PTPRN2: variants seen among roughly 807,000 people sequenced by gnomAD.
PTPRN2 encodes receptor-type tyrosine-protein phosphatase N2.
In PTPRN2, 74 loss-of-function variants were observed where a neutral mutation model predicts 118.8. The observed-to-expected ratio is 0.62, with a 90% CI of 0.52 to 0.76. The LOEUF is 0.76. PTPRN2 is among the 30% of genes least tolerant of loss of function. The probability of loss-of-function intolerance (pLI) is 0.00; values close to 1 mark genes in which losing one functional copy is unlikely to be tolerated. For missense variants in PTPRN2, 1,481 were observed against 1,394.4 expected, an observed-to-expected ratio of 1.06 and a Z score of -0.99; for synonymous variants, 641 against 608.0, an observed-to-expected ratio of 1.05 and a Z score of -0.80.
intron 15 of PTPRN2, among the ~76,000 whole-genome samples, chr7:157,606,948 T>C (rs992208076): frequency 5.9e-5 from 9 of 152,122 alleles, no homozygotes; most frequent in African/African-American, 2.2e-4. Context: ...GGTGACAAGA[T>C]GGGATAAGAT....
At position 157,617,309 on chromosome 7, in the gene PTPRN2, C is replaced by T. The variant is rs1205723033; in HGVS notation, c.2344+4053G>A. ...GTTCACGCAGCTGCAGCGCAGAGCA[C>T]GGGGGACGCTGGCTCACGATGCCCC... is the stretch of plus-strand genomic sequence containing the variant. On this transcript the variant is annotated intron_variant, in intron 15 of 22. Coordinates refer to ENST00000389418, the MANE Select transcript of PTPRN2 (RefSeq NM_002847.5). This position sits in a 1 kb window ranked among gnomAD's most constrained non-coding sequence, Gnocchi z 7.5. 2 of 143,164 alleles carry T rather than the reference C, an allele frequency of 1.4e-5. No homozygotes were observed. Among genetic ancestry groups the T allele is most frequent in the Admixed American group, 7.0e-5 (1 of 14,256 alleles). 8.9% of individuals were successfully genotyped at this position (143,164 alleles called of 1,614,324 possible).
intron 2 of PTPRN2, among the ~76,000 whole-genome samples, chr7:158,337,384 A>G (rs1284665513): frequency 1.8e-4 from 19 of 103,792 alleles, no homozygotes; most frequent in South Asian, 6.7e-4. Context: ...CTCTCACCAT[A>G]AGAGGTAACA....
intron 11 of PTPRN2, among the ~76,000 whole-genome samples, chr7:157,940,046 A>C (rs937934656): frequency 6.6e-6 from 1 of 152,188 alleles, no homozygotes; most frequent in Non-Finnish European, 1.5e-5. Flanking sequence ...GCGTCGCTGC[A>C]TGGGCAGTTG....
rs192175495 is a variant in PTPRN2, at chr7:158,279,982, C to T, written c.277+36837G>A. Among the ~76,000 whole-genome samples the T allele has an allele frequency of 4.0e-3, 607 of 152,180 alleles. 2 individuals are homozygous for T. The highest frequency in any genetic ancestry group is 7.0e-3 in the African/African-American group (290 of 41,518). On this transcript the variant is annotated intron_variant, in intron 3 of 22. Transcript: ENST00000389418. ...GGTCTGTGCACTTAATCCAGAGCCC[C>T]GGACGGCCCCCACGCCCCACCGCTG...
At chr7:157,887,542 CTCCCCCAGTACCTGCTCCCAGTACATGG>C (rs1483895569) in intron 12 of PTPRN2, among the ~76,000 whole-genome samples, 12 of 119,152 alleles carry the variant, frequency 1.0e-4, no homozygotes, top group South Asian at 3.4e-4. Flanking sequence ...CCAGTACCCG[CTCCCCCAGTACCTGCTCCCAGTACATGG>C]TCCCCCAGTG....
chr7:157,998,459 C>A (rs770576036), intron 11 of PTPRN2, among the ~76,000 whole-genome samples: 4 of 152,146 alleles, frequency 2.6e-5, no homozygotes, highest in Non-Finnish European at 4.4e-5. Flanking sequence ...GAGAGGAGCC[C>A]GTGTCCAGCC....
In PTPRN2 at chr7:158,319,476, G is replaced by GCCTCCCTCACA. The variant is rs1563131407; in HGVS notation, c.164-2545_164-2544insTGTGAGGGAGG. ...CGCACACAGCCTCCCTCACACACAAGCACAGCCTCCCTCACACTCACACAG... is the reference window on the plus strand; with the variant it reads ...CGCACACAGCCTCCCTCACACACAAGCCTCCCTCACACACAGCCTCCCTCACACTCACACAG... On this transcript the variant is annotated intron_variant, in intron 2 of 22. Coordinates refer to ENST00000389418, the MANE Select transcript of PTPRN2 (RefSeq NM_002847.5). Among the ~76,000 whole-genome samples, 25 of 35,632 alleles carry GCCTCCCTCACA rather than the reference G, an allele frequency of 7.0e-4. 1 individual carries two copies. The highest frequency in any genetic ancestry group is 2.0e-3 in the African/African-American group (15 of 7,536). The allele number at this position is 35,632 out of a possible 152,430, so 23.4% of individuals were successfully genotyped here.
intron 10 of PTPRN2, among the ~76,000 whole-genome samples, chr7:158,098,451 G>A (rs910516798): frequency 1.3e-5 from 2 of 152,210 alleles, no homozygotes; most frequent in Admixed American, 6.5e-5. Context: ...GCTTACCCAG[G>A]ACTGAGCCTG....
At chr7:158,155,536 TATC>T (rs1369653404) in intron 6 of PTPRN2, among the ~76,000 whole-genome samples, 6 of 80,538 alleles carry the variant, frequency 7.4e-5, no homozygotes, top group Admixed American at 3.2e-4. Context: ...CCATCAGCAC[TATC>T]ATCACCATCA....
At chr7:157,544,421 T>G (rs1381245418) in intron 22 of PTPRN2, among the ~76,000 whole-genome samples, 1 of 139,584 alleles carries the variant, frequency 7.2e-6, no homozygotes. Context: ...AGGTCAGGCT[T>G]TAGGACAAGG....
chr7:157,802,324 C>T (rs984417092), intron 12 of PTPRN2, among the ~76,000 whole-genome samples: 1 of 152,218 alleles, frequency 6.6e-6, no homozygotes, highest in Non-Finnish European at 1.5e-5. Flanking sequence ...GCTTCAGCGA[C>T]GTCGTGCAGC....
At chr7:157,830,124 T>C (rs1361110828) in intron 12 of PTPRN2, among the ~76,000 whole-genome samples, 1 of 128,120 alleles carries the variant, frequency 7.8e-6, no homozygotes, top group East Asian at 2.6e-4. Context: ...CTTGGTCCCA[T>C]GGGAAGTGCC....
At chr7:157,948,087 C>T (rs1424027838) in intron 11 of PTPRN2, among the ~76,000 whole-genome samples, 2 of 152,138 alleles carry the variant, frequency 1.3e-5, no homozygotes, top group Non-Finnish European at 2.9e-5. Context: ...GTCATTGAGG[C>T]TGAAATTCTA....
intron 2 of PTPRN2, among the ~76,000 whole-genome samples, chr7:158,348,552 C>T (rs1487347408): frequency 6.6e-6 from 1 of 152,102 alleles, no homozygotes; most frequent in African/African-American, 2.4e-5. Context: ...GTATGCCCCA[C>T]GTGAGTCTGT....
At chr7:158,199,943 C>T (rs1232781761) in intron 4 of PTPRN2, among the ~76,000 whole-genome samples, 1 of 152,092 alleles carries the variant, frequency 6.6e-6, no homozygotes, top group Non-Finnish European at 1.5e-5. Flanking sequence ...AAATCCATTA[C>T]TATAAAATCG....
intron 4 of PTPRN2, 23 bp downstream of exon 4, chr7:158,205,148 C>T (rs1408732989): frequency 6.3e-7 from 1 of 1,581,864 alleles, no homozygotes; most frequent in Admixed American, 1.7e-5. Flanking sequence ...GAGCAAGGAG[C>T]AACAAGCCAC....
intron 12 of PTPRN2, among the ~76,000 whole-genome samples, chr7:157,694,519 G>C (rs945054740): frequency 7.9e-5 from 12 of 152,176 alleles, no homozygotes; most frequent in African/African-American, 2.2e-4. Flanking sequence ...AGAGTCTAGG[G>C]GGGTCATGAG....
chr7:158,040,723 T>C (rs1251058020), intron 11 of PTPRN2, among the ~76,000 whole-genome samples: 1 of 133,908 alleles, frequency 7.5e-6, no homozygotes, highest in African/African-American at 2.8e-5. Context: ...GATCTGCCTT[T>C]CTTTTTTTCT....
chr7:158,035,112 C>G (rs1285811230), intron 11 of PTPRN2, among the ~76,000 whole-genome samples: 1 of 152,208 alleles, frequency 6.6e-6, no homozygotes, highest in Non-Finnish European at 1.5e-5. Flanking sequence ...GCCCAGAAAA[C>G]CCAGTGTGGA....
Sources: allele counts gnomAD v4.1 joint callset (sites outside exome capture counted in the v4.1 genomes callset), GRCh38; gene constraint gnomAD v4.1.1; non-coding constraint Gnocchi (gnomAD v3.1); transcripts MANE v1.5; gene names NCBI Gene and HGNC (gene_info 2026-07-23, HGNC 2026-07-21).